ATP2A3: variants seen among roughly 807,000 people sequenced by gnomAD.
The protein encoded by ATP2A3 is ATPase sarcoplasmic/endoplasmic reticulum Ca2+ transporting 3.
Under a neutral mutation model 106.8 loss-of-function variants are expected in ATP2A3, and 61 were observed. The ratio of observed to expected loss-of-function variants is 0.57; its 90% confidence interval spans 0.46 to 0.71. ATP2A3 has a LOEUF of 0.71. Among genes scored for constraint, ATP2A3 ranks in the 30% least tolerant of loss-of-function variants. ATP2A3 has a pLI of 0.00. For missense variants in ATP2A3, 1,201 were observed against 1,423.5 expected (o/e 0.84, Z 2.52); for synonymous variants, 611 against 609.3 (o/e 1.00, Z -0.04).
At chr17:3,937,264 G>T in intron 15 of ATP2A3, 152 bp downstream of exon 15, 2 of 877,764 alleles carry the variant, frequency 2.3e-6, no homozygotes, top group Non-Finnish European at 3.6e-6. Context: ...GCTCTCCCCT[G>T]TCCACTCCAA....
Position 3,947,955 on chromosome 17 carries a change from C to G in ATP2A3, c.631-100G>C. 8.2e-7 allele frequency: 1 copy of G among 1,216,816 alleles called. No individual in the cohort carries two copies. The highest frequency in any genetic ancestry group is 1.2e-6 in the Non-Finnish European group (1 of 859,682). 75.4% of individuals were successfully genotyped at this position (1,216,816 alleles called of 1,614,324 possible). On this transcript the variant is annotated intron_variant, in intron 7 of 20. Transcript: ENST00000397041. This position sits in a 1 kb window ranked among gnomAD's most constrained non-coding sequence, Gnocchi z 7.7. ...CGGAATAAGGCACTTATCCTTCTAC[C>G]CGGCTTTCCTTTTCTCCATGTTGCT... is the stretch of plus-strand genomic sequence containing the variant.
At chr17:3,937,392 A>AG (rs1567689473) in intron 15 of ATP2A3, 24 bp downstream of exon 15, 2 of 1,608,512 alleles carry the variant, frequency 1.2e-6, no homozygotes, top group Non-Finnish European at 1.7e-6. Flanking sequence ...GAGAGGGCTG[A>AG]GAGGAGGGAA....
chr17:3,944,038 G>A (rs1032788115), intron 10 of ATP2A3, among the ~76,000 whole-genome samples: 1 of 152,102 alleles, frequency 6.6e-6, no homozygotes, highest in Non-Finnish European at 1.5e-5. Context: ...CAGGATTTTT[G>A]GCTCCTAAAT....
Position 3,936,786 on chromosome 17 carries a change from A to T in ATP2A3, c.2322-317T>A. The stretch of plus-strand genomic sequence containing the variant: ...CGAAGAGGGCATGCCCAAGAATCAG[A>T]CATGTGCAAAAACCTAGCACATGCC... On this transcript the variant is annotated intron_variant, in intron 15 of 20. Coordinates refer to ENST00000397041, the MANE Select transcript of ATP2A3 (RefSeq NM_005173.4). The surrounding 1 kb of genome is among the most constrained non-coding windows in gnomAD (Gnocchi z 5.4). 2.3e-6 allele frequency: 1 copy of T among 427,502 alleles called. No homozygotes were observed. Among genetic ancestry groups the T allele is most frequent in the Non-Finnish European group, 4.4e-6 (1 of 227,358 alleles). The allele number at this position is 427,502 out of a possible 1,614,324, so 26.5% of individuals were successfully genotyped here.
chr17:3,928,379 G>A lies in ATP2A3; in HGVS notation c.2980+284C>T. On this transcript the variant is annotated intron_variant, in intron 20 of 20. Transcript: ENST00000397041. The surrounding 1 kb of genome is among the most constrained non-coding windows in gnomAD (Gnocchi z 6.1). ...GGCCCAGAAGAGCACACAGTGCCCTGGCCATGTAGGGGGTGGCAGGTGAAG... is the reference window on the plus strand; with the variant it reads ...GGCCCAGAAGAGCACACAGTGCCCTAGCCATGTAGGGGGTGGCAGGTGAAG... 1 of 1,530,720 alleles carries A rather than the reference G, an allele frequency of 6.5e-7. No individual in the cohort carries two copies. Among genetic ancestry groups the A allele is most frequent in the Non-Finnish European group, 9.0e-7 (1 of 1,111,684 alleles). The allele number at this position is 1,530,720 out of a possible 1,614,324, so 94.8% of individuals were successfully genotyped here.
In ATP2A3 at chr17:3,926,958, G is replaced by A. The variant is rs1008779290; in HGVS notation, c.2981-1517C>T. 4 of 985,322 alleles carry A rather than the reference G, an allele frequency of 4.1e-6. No homozygotes were observed. The highest frequency in any genetic ancestry group is 4.8e-6 in the Non-Finnish European group (4 of 829,942). The allele number at this position is 985,322 out of a possible 1,614,324, so 61.0% of individuals were successfully genotyped here. Reference sequence around the variant, plus strand: ...CTCCCGTGCTTCCCCACTGCCCTGAGGACAATGTCCAGGGTCTCTACCTTG... The same window carrying A: ...CTCCCGTGCTTCCCCACTGCCCTGAAGACAATGTCCAGGGTCTCTACCTTG... On this transcript the variant is annotated intron_variant, in intron 20 of 20. Coordinates refer to ENST00000397041, the MANE Select transcript of ATP2A3 (RefSeq NM_005173.4). The surrounding 1 kb of genome is among the most constrained non-coding windows in gnomAD (Gnocchi z 4.6).
At position 3,935,263 on chromosome 17, in the gene ATP2A3, C is replaced by A; in HGVS notation, c.2539G>T (p.Ala847Ser). 1 of 1,613,794 alleles carries A rather than the reference C, an allele frequency of 6.2e-7. No homozygotes were observed. Among genetic ancestry groups the A allele is most frequent in the Non-Finnish European group, 8.5e-7 (1 of 1,180,002 alleles). The part of the protein sequence containing the change: ...YLAIGVYVGL[A>S]TVAAATWWFV... The stretch of plus-strand genomic sequence containing the variant: ...CACCAGGTGGCGGCAGCCACTGTGG[C>A]CAGGCCTACGTACACTGCGGGGAAG... Residue 847 changes from alanine to serine, a missense_variant, in exon 17 of 21, where the codon GCC becomes TCC. Around this residue, in one of 2 missense-constraint regions of ATP2A3, gnomAD observed 935 missense variants for 1,176.7 expected, o/e 0.79. Transcript: ENST00000397041.
rs576814549 is a variant in ATP2A3, at chr17:3,936,898, C to G, written c.2322-429G>C. The G allele has an allele frequency of 1.5e-5, 5 of 327,782 alleles. No individual in the cohort carries two copies. In the East Asian group the frequency reaches 3.9e-4, roughly 25 times the overall value. The allele number at this position is 327,782 out of a possible 1,614,324, so 20.3% of individuals were successfully genotyped here. A position where few individuals can be genotyped will look rare whatever the true frequency, so the allele number is the denominator to read the frequency against. On this transcript the variant is annotated intron_variant, in intron 15 of 20. Transcript: ENST00000397041. This position sits in a 1 kb window ranked among gnomAD's most constrained non-coding sequence, Gnocchi z 5.4. ...ATCCATCCATGTCCAGCAACACACA[C>G]GCTCACCATTCCCCACAGGCATCCT...
At chr17:3,956,949 TACCCACACCC>T (rs1338355722) in intron 1 of ATP2A3, among the ~76,000 whole-genome samples, 1 of 152,206 alleles carries the variant, frequency 6.6e-6, no homozygotes, top group African/African-American at 2.4e-5. Flanking sequence ...GGAGGTGGGG[TACCCACACCC>T]ACTTTGAAGG....
Position 3,925,074 on chromosome 17 carries a change from C to T in ATP2A3, c.*348G>A, listed in dbSNP as rs918408001. On this transcript the variant is annotated 3_prime_UTR_variant, in exon 21 of 21. Coordinates refer to ENST00000397041, the MANE Select transcript of ATP2A3 (RefSeq NM_005173.4). This position sits in a 1 kb window ranked among gnomAD's most constrained non-coding sequence, Gnocchi z 4.2. ...AGGGGGAGCAAGCTCCAGCTGCACT[C>T]GTGATTTGGGGGTGGGGGGGCCCCG... The T allele has an allele frequency of 8.0e-6, 4 of 502,534 alleles. No homozygotes were observed. The highest frequency in any genetic ancestry group is 7.3e-5 in the East Asian group (2 of 27,290). The allele number at this position is 502,534 out of a possible 1,614,324, so 31.1% of individuals were successfully genotyped here.
Position 3,935,223 on chromosome 17 carries a change from G to A in ATP2A3, c.2579C>T (p.Ala860Val). ...AAATWWFVYDAEGPHINFYQL... is the reference protein window; with the variant it reads ...AAATWWFVYDVEGPHINFYQL... ...GTAGAAGTTGATGTGAGGTCCCTCG[G>A]CGTCATACACAAACCACCAGGTGGC... is the stretch of plus-strand genomic sequence containing the variant. Residue 860 changes from alanine (A) to valine (V), a missense_variant, in exon 17 of 21, where the codon GCC becomes GTC. This residue lies in a region of ATP2A3 where 935 missense variants were observed against 1,176.7 expected (regional missense o/e 0.79). Transcript: ENST00000397041. 3 of 1,614,008 alleles carry A rather than the reference G, an allele frequency of 1.9e-6. No individual in the cohort carries two copies. The highest frequency in any genetic ancestry group is 2.5e-6 in the Non-Finnish European group (3 of 1,180,040).
In ATP2A3 at chr17:3,947,289, C is replaced by A; in HGVS notation, c.1095+102G>T. The A allele has an allele frequency of 7.1e-7, 1 of 1,404,098 alleles. No individual in the cohort carries two copies. The allele number at this position is 1,404,098 out of a possible 1,614,324, so 87.0% of individuals were successfully genotyped here. ...TGGGCCAAGGGACAGCCCACAGATT[C>A]TCTCCTCCATCCCTCACTGAAAAGG... On this transcript the variant is annotated intron_variant, in intron 8 of 20. Coordinates refer to ENST00000397041, the MANE Select transcript of ATP2A3 (RefSeq NM_005173.4). The surrounding 1 kb of genome is among the most constrained non-coding windows in gnomAD (Gnocchi z 7.7).
chr17:3,938,615 G>C (rs143518490), intron 14 of ATP2A3, among the ~76,000 whole-genome samples: 1 of 150,780 alleles, frequency 6.6e-6, no homozygotes, highest in Admixed American at 6.6e-5. Flanking sequence ...GCACAATCTC[G>C]GCTCACTGCA....
Position 3,943,523 on chromosome 17 carries a change from C to G in ATP2A3, c.1288-1G>C. The G allele has an allele frequency of 1.2e-6, 2 of 1,614,082 alleles. No individual in the cohort carries two copies. The highest frequency in any genetic ancestry group is 1.7e-6 in the Non-Finnish European group (2 of 1,179,968). The stretch of plus-strand genomic sequence containing the variant: ...CCACCTTCTCATACACACCCTTGGC[C>G]TGGCAAGGACCCAGGGGATAGGGAG... On this transcript the variant is annotated splice_acceptor_variant, in intron 10 of 20. Transcript: ENST00000397041. LOFTEE classifies it high-confidence loss of function.
rs1022182120 is a variant in ATP2A3, at chr17:3,925,855, G to C, written c.2981-414C>G. Among the ~76,000 whole-genome samples, 1 of 151,922 alleles carries C rather than the reference G, an allele frequency of 6.6e-6. No homozygotes were observed. The highest frequency in any genetic ancestry group is 1.9e-4 in the East Asian group (1 of 5,166). ...ACTGCCTTCCCCAACCAGGCCTCAA[G>C]GCCTCAAGGCCTGCCGCCCTGCCCC... is the stretch of plus-strand genomic sequence containing the variant. On this transcript the variant is annotated intron_variant, in intron 20 of 20. Coordinates refer to ENST00000397041, the MANE Select transcript of ATP2A3 (RefSeq NM_005173.4). This position sits in a 1 kb window ranked among gnomAD's most constrained non-coding sequence, Gnocchi z 4.2.
Position 3,955,061 on chromosome 17 carries a change from C to A in ATP2A3, c.119-1351G>T, listed in dbSNP as rs561903468. Among the ~76,000 whole-genome samples, 1 of 152,322 alleles carries A rather than the reference C, an allele frequency of 6.6e-6. No homozygotes were observed. Among genetic ancestry groups the A allele is most frequent in the South Asian group, 2.1e-4 (1 of 4,826 alleles). On this transcript the variant is annotated intron_variant, in intron 1 of 20. Coordinates refer to ENST00000397041, the MANE Select transcript of ATP2A3 (RefSeq NM_005173.4). This position sits in a 1 kb window ranked among gnomAD's most constrained non-coding sequence, Gnocchi z 4.2. ...CAGGGTGGGCTTGGAGAAGCTCCCC[C>A]TTCCCAGGCCGCAGTCTAACTGAGC...
At position 3,928,522 on chromosome 17, in the gene ATP2A3, C is replaced by T. The variant is rs1043073331; in HGVS notation, c.2980+141G>A. The T allele has an allele frequency of 3.1e-6, 3 of 967,534 alleles. No individual in the cohort carries two copies. Among genetic ancestry groups the T allele is most frequent in the Admixed American group, 2.0e-5 (1 of 49,598 alleles). The allele number at this position is 967,534 out of a possible 1,614,324, so 59.9% of individuals were successfully genotyped here. A position where few individuals can be genotyped will look rare whatever the true frequency, so the allele number is the denominator to read the frequency against. ...CCCAGCCACCAGAGCCCCTTCACAC[C>T]CTCCACTTGGTGATCCGAGAACGCC... On this transcript the variant is annotated intron_variant, in intron 20 of 20. Coordinates refer to ENST00000397041, the MANE Select transcript of ATP2A3 (RefSeq NM_005173.4). This position sits in a 1 kb window ranked among gnomAD's most constrained non-coding sequence, Gnocchi z 6.1.
chr17:3,938,173 C>T (rs954791739), intron 14 of ATP2A3, among the ~76,000 whole-genome samples: 2 of 152,162 alleles, frequency 1.3e-5, no homozygotes, highest in Non-Finnish European at 2.9e-5. Context: ...GTGGCTCACG[C>T]CTGTAATCCC....
intron 15 of ATP2A3, chr17:3,937,035 C>T (rs1326467517): frequency 5.5e-6 from 2 of 362,786 alleles, no homozygotes; most frequent in African/African-American, 4.2e-5. Context: ...ATTACACACA[C>T]CTCTCACTCA....
Sources: allele counts gnomAD v4.1 joint callset (sites outside exome capture counted in the v4.1 genomes callset), GRCh38; gene constraint gnomAD v4.1.1; regional missense constraint gnomAD v4.1.1; non-coding constraint Gnocchi (gnomAD v3.1); transcripts MANE v1.5; gene names NCBI Gene and HGNC (gene_info 2026-07-23, HGNC 2026-07-21).